Variants in EFCAB13 observed in about 807,000 individuals in gnomAD.
EFCAB13 encodes the protein EF-hand calcium binding domain 13, also known as EF-hand calcium-binding domain-containing protein 13.
In EFCAB13, 91 loss-of-function variants were observed where a neutral mutation model predicts 110.2. That is an observed-to-expected ratio of 0.83 (90% CI 0.70 to 0.98). The LOEUF is 0.98. EFCAB13 is among the 50% of genes least tolerant of loss of function. The pLI is 0.00. For missense variants in EFCAB13, 968 were observed against 1,119.4 expected (o/e 0.86, Z 1.93); for synonymous variants, 323 against 369.9 (o/e 0.87, Z 1.45).
At chr17:47,330,440 G>T (rs1485461999) in intron 4 of EFCAB13, among the ~76,000 whole-genome samples, 1 of 151,972 alleles carries the variant, frequency 6.6e-6, no homozygotes, top group African/African-American at 2.4e-5. Flanking sequence ...CCAACAGGTA[G>T]TTTTTCATCC....
At chr17:47,424,150 G>GCGC (rs1240771265) in intron 23 of EFCAB13, among the ~76,000 whole-genome samples, 5 of 152,136 alleles carry the variant, frequency 3.3e-5, no homozygotes, top group Non-Finnish European at 7.4e-5. Context: ...GGGCTGCTCG[G>GCGC]CGCCGCCGCC....
Position 47,403,942 on chromosome 17 carries a change from G to C in EFCAB13, c.2082G>C (p.Leu694Phe). The C allele has an allele frequency of 6.2e-7, 1 of 1,611,618 alleles. No individual in the cohort carries two copies. The highest frequency in any genetic ancestry group is 8.5e-7 in the Non-Finnish European group (1 of 1,178,630). Residue 694 changes from leucine to phenylalanine, a missense_variant, in exon 19 of 25, where the codon TTG becomes TTC. By Grantham distance (22) the Leu-to-Phe change is conservative. Coordinates refer to ENST00000331493, the MANE Select transcript of EFCAB13 (RefSeq NM_152347.5). The part of the protein sequence containing the change: ...LEGDMIAGKN[L>F]EDFLRNVGIK... The stretch of plus-strand genomic sequence containing the variant: ...GTGACATGATAGCTGGGAAGAACTT[G>C]GAAGACTTTCTAAGAAATGTTGGGA...
At chr17:47,354,712 A>T (rs1475189732) in intron 9 of EFCAB13, among the ~76,000 whole-genome samples, 1 of 152,124 alleles carries the variant, frequency 6.6e-6, no homozygotes. Context: ...GTCCATTTGC[A>T]TGGTGTATCT....
intron 24 of EFCAB13, chr17:47,430,340 T>C (rs1228756628): frequency 2.7e-6 from 1 of 369,766 alleles, no homozygotes; most frequent in East Asian, 1.6e-4. Flanking sequence ...GTGTTGCACA[T>C]AGTGGTGGCT....
intron 23 of EFCAB13, among the ~76,000 whole-genome samples, chr17:47,426,720 TA>T (rs1172637722): frequency 1.3e-5 from 2 of 152,164 alleles, no homozygotes; most frequent in Non-Finnish European, 2.9e-5. Flanking sequence ...AGAATTTTTT[TA>T]AAAGGGTTGC....
chr17:47,419,319 G>A (rs904414552), intron 23 of EFCAB13, among the ~76,000 whole-genome samples: 6 of 152,136 alleles, frequency 3.9e-5, no homozygotes, highest in African/African-American at 1.4e-4. Context: ...TGGGTGTGGT[G>A]GCTTATGTCT....
At chr17:47,438,381 A>G (rs911480274) in intron 24 of EFCAB13, among the ~76,000 whole-genome samples, 3 of 152,100 alleles carry the variant, frequency 2.0e-5, no homozygotes, top group African/African-American at 7.2e-5. Flanking sequence ...TATTCCCCCA[A>G]ATATGTTTTC....
chr17:47,331,414 A>C (rs949442586), intron 4 of EFCAB13, among the ~76,000 whole-genome samples: 2 of 151,958 alleles, frequency 1.3e-5, no homozygotes, highest in African/African-American at 4.8e-5. Flanking sequence ...GGTCTTAAAT[A>C]TGTAGACTTT....
intron 21 of EFCAB13, among the ~76,000 whole-genome samples, chr17:47,411,573 GA>G (rs2065835297): frequency 6.6e-6 from 1 of 152,090 alleles, no homozygotes; most frequent in Non-Finnish European, 1.5e-5. Context: ...GAATTTACTT[GA>G]AACTCTTTGA....
Position 47,440,804 on chromosome 17 carries a change from T to G in EFCAB13, c.*90T>G. 8.6e-7 allele frequency: 1 copy of G among 1,156,712 alleles called. No individual in the cohort carries two copies. The allele number at this position is 1,156,712 out of a possible 1,614,324, so 71.7% of individuals were successfully genotyped here. A position where few individuals can be genotyped will look rare whatever the true frequency, so the allele number is the denominator to read the frequency against. The stretch of plus-strand genomic sequence containing the variant: ...TTCTGAAATTATTAGAAAATAATTT[T>G]TAAAACTTTTGACAAATCCAGTAGA... On this transcript the variant is annotated 3_prime_UTR_variant, in exon 25 of 25. Transcript: ENST00000331493.
rs780178289 is a variant in EFCAB13, at chr17:47,374,769, A to T, written c.1175A>T (p.Lys392Ile). The stretch of plus-strand genomic sequence containing the variant: ...TATTCAAAGAATGGCATAAACTTTA[A>T]AAAACATTCAGAGAAGGGTGAAATT... Reference protein sequence around the residue: ...EPYSKNGINFKKHSEKGEIHD... With the variant: ...EPYSKNGINFIKHSEKGEIHD... The change falls in exon 12 of 25, where the codon AAA becomes ATA. Residue 392 changes from lysine to isoleucine, a missense_variant. By Grantham distance (102) the Lys-to-Ile change is moderately radical. Coordinates refer to ENST00000331493, the MANE Select transcript of EFCAB13 (RefSeq NM_152347.5). The T allele has an allele frequency of 4.3e-6, 7 of 1,614,104 alleles. No individual in the cohort carries two copies. The South Asian group carries it at 7.7e-5, about 18-fold the overall frequency.
intron 23 of EFCAB13, among the ~76,000 whole-genome samples, chr17:47,420,605 T>C (rs1388624005): frequency 1.3e-5 from 2 of 150,616 alleles, no homozygotes; most frequent in Admixed American, 6.6e-5. Context: ...CGCCGCCCCA[T>C]CTGGGATGTG....
At chr17:47,366,523 T>C (rs993021312) in intron 10 of EFCAB13, among the ~76,000 whole-genome samples, 4 of 152,158 alleles carry the variant, frequency 2.6e-5, no homozygotes, top group Non-Finnish European at 5.9e-5. Flanking sequence ...ATTTTTTTCC[T>C]CTCACAGTAG....
At chr17:47,376,150 T>G (rs895002744) in intron 12 of EFCAB13, among the ~76,000 whole-genome samples, 1 of 152,212 alleles carries the variant, frequency 6.6e-6, no homozygotes, top group African/African-American at 2.4e-5. Context: ...AATGATTGTT[T>G]AGTGAAAATT....
intron 23 of EFCAB13, among the ~76,000 whole-genome samples, chr17:47,418,696 A>C (rs1444125562): frequency 6.6e-6 from 1 of 152,222 alleles, no homozygotes. Context: ...TGTTATTTGA[A>C]TCCTTAATAA....
chr17:47,380,814 A>G (rs1325912851), intron 14 of EFCAB13, among the ~76,000 whole-genome samples: 1 of 149,340 alleles, frequency 6.7e-6, no homozygotes, highest in African/African-American at 2.5e-5. Flanking sequence ...TTTGATTTGC[A>G]TTTCTCTAAT....
In EFCAB13 at chr17:47,431,667, G is replaced by A. The variant is rs1194902367; in HGVS notation, c.2638+1706G>A. Among the ~76,000 whole-genome samples the A allele has an allele frequency of 6.6e-6, 1 of 152,054 alleles. No homozygotes were observed. Among genetic ancestry groups the A allele is most frequent in the Admixed American group, 6.6e-5 (1 of 15,264 alleles). ...TGATTTTAGTCTTTTGAAGTTTGTT[G>A]AGGCTTGATTTATTGACTATGATAA... On this transcript the variant is annotated intron_variant, in intron 24 of 24. Coordinates refer to ENST00000331493, the MANE Select transcript of EFCAB13 (RefSeq NM_152347.5). This position sits in a 1 kb window ranked among gnomAD's most constrained non-coding sequence, Gnocchi z 4.1.
intron 16 of EFCAB13, among the ~76,000 whole-genome samples, chr17:47,395,549 C>T (rs915704924): frequency 6.6e-6 from 1 of 152,132 alleles, no homozygotes; most frequent in African/African-American, 2.4e-5. Flanking sequence ...TCTGAATTCA[C>T]ACTTTTAAAA....
chr17:47,372,359 C>T (rs1437867985), intron 11 of EFCAB13, among the ~76,000 whole-genome samples: 1 of 151,562 alleles, frequency 6.6e-6, no homozygotes, highest in Non-Finnish European at 1.5e-5. Context: ...ATGCTTTTAC[C>T]TCATCTCTCC....
Sources: gnomAD v4.1 joint callset for allele counts (sites outside exome capture counted in the v4.1 genomes callset) on GRCh38, gnomAD v4.1.1 for gene constraint, Gnocchi (gnomAD v3.1) non-coding constraint, MANE v1.5 for transcripts, NCBI Gene and HGNC (gene_info 2026-07-23, HGNC 2026-07-21) for gene names.